ATG2B: variants seen among roughly 807,000 people sequenced by gnomAD.
The protein encoded by ATG2B is autophagy related 2B.
A neutral mutation model predicts 241.3 loss-of-function variants in ATG2B; 121 were observed. That is an observed-to-expected ratio of 0.50 (90% CI 0.43 to 0.58). The LOEUF (loss-of-function observed/expected upper bound fraction) is 0.58, where lower values mean the gene tolerates loss of function less well. Ranked by LOEUF, ATG2B falls within the 20% of genes least tolerant of loss-of-function variation. ATG2B has a pLI of 0.00. For synonymous variants in ATG2B, 858 were observed against 876.6 expected (o/e 0.98, Z 0.37); for missense variants, 2,306 against 2,491.6 (o/e 0.93, Z 1.59).
chr14:96,305,812 TCTC>T lies in ATG2B; in HGVS notation c.4507_4509del (p.Glu1503del). 3.1e-6 allele frequency: 5 copies of T among 1,612,988 alleles called. No homozygotes were observed. The East Asian group carries it at 6.7e-5, about 22-fold the overall frequency. ...ATTTTTATAACTGGTTCTTCTTCCT[TCTC>T]CTAAAATAAACAAACAGGTAACACA... On this transcript the variant is annotated inframe_deletion and splice_region_variant, in exon 31 of 42. Coordinates refer to ENST00000359933, the MANE Select transcript of ATG2B (RefSeq NM_018036.7).
In ATG2B at chr14:96,295,554, A is replaced by T; in HGVS notation, c.5146T>A (p.Leu1716Met). The T allele has an allele frequency of 6.3e-7, 1 of 1,593,714 alleles. No homozygotes were observed. The highest frequency in any genetic ancestry group is 8.5e-7 in the Non-Finnish European group (1 of 1,172,412). The change falls in exon 35 of 42, where the codon TTG (leucine) becomes ATG (methionine). Residue 1716 changes from leucine (L) to methionine (M), a missense_variant. Around this residue, in one of 2 missense-constraint regions of ATG2B, gnomAD observed 379 missense variants for 480.4 expected, o/e 0.79. Coordinates refer to ENST00000359933, the MANE Select transcript of ATG2B (RefSeq NM_018036.7). ...PLRLNIDQDA[L>M]FFLKDFFTSL... is the part of the protein sequence containing the mutation. Reference sequence around the variant, plus strand: ...GTGAAGAAATCCTTCAGGAAGAACAAAGCATCCTAAAATTAAGAGATGTAA... The same window carrying T: ...GTGAAGAAATCCTTCAGGAAGAACATAGCATCCTAAAATTAAGAGATGTAA...
At chr14:96,347,366 A>C (rs4905483) in intron 1 of ATG2B, 25 bp from the exon 2 acceptor site, 16 of 1,528,690 alleles carry the variant, frequency 1.0e-5, no homozygotes, top group Admixed American at 5.4e-5. Flanking sequence ...CAGGTTCATT[A>C]TGAATCACAA....
At position 96,302,025 on chromosome 14, in the gene ATG2B, G is replaced by A. The variant is rs754969650; in HGVS notation, c.5121C>T (p.Leu1707=). The A allele has an allele frequency of 2.5e-6, 4 of 1,613,928 alleles. No individual in the cohort carries two copies. Among genetic ancestry groups the A allele is most frequent in the Non-Finnish European group, 3.4e-6 (4 of 1,179,864 alleles). Residue 1707 remains leucine (L), a synonymous_variant, in exon 34 of 42, where the codon CTC becomes CTT. Transcript: ENST00000359933. Reference sequence around the variant, plus strand: ...TACAAACCTGGTCAATATTGAGGCGGAGCGGCATCAGCGACACTCTCAAGC... The same window carrying A: ...TACAAACCTGGTCAATATTGAGGCGAAGCGGCATCAGCGACACTCTCAAGC... The part of the protein sequence containing the change: ...ECCLRVSLMP[L]RLNIDQDALF...
At chr14:96,325,616 G>A (rs1203355945) in intron 15 of ATG2B, 33 bp downstream of exon 15, 3 of 1,584,388 alleles carry the variant, frequency 1.9e-6, no homozygotes, top group Non-Finnish European at 2.6e-6. Context: ...TTGTTATCTA[G>A]GATGGTTCTT....
Position 96,309,512 on chromosome 14 carries a change from T to C in ATG2B, c.4244A>G (p.Asp1415Gly). Residue 1415 changes from aspartate to glycine, a missense_variant, in exon 29 of 42, where the codon GAT (aspartate) becomes GGT (glycine). Asp to Gly is a moderately conservative substitution (Grantham distance 94). This residue lies in a region of ATG2B where 1,927 missense variants were observed against 2,011.2 expected (regional missense o/e 0.96). Coordinates refer to ENST00000359933, the MANE Select transcript of ATG2B (RefSeq NM_018036.7). Reference protein sequence around the residue: ...DQQMLRDLMSDAMEEIDMQQG... With the variant: ...DQQMLRDLMSGAMEEIDMQQG... ...TTGCATGTCGATCTCCTCCATAGCATCACTCATCAGATCTCGTAACATTTG... is the reference window on the plus strand; with the variant it reads ...TTGCATGTCGATCTCCTCCATAGCACCACTCATCAGATCTCGTAACATTTG... 1 of 1,614,100 alleles carries C rather than the reference T, an allele frequency of 6.2e-7. No homozygotes were observed. Among genetic ancestry groups the C allele is most frequent in the Non-Finnish European group, 8.5e-7 (1 of 1,179,982 alleles).
At position 96,295,116 on chromosome 14, in the gene ATG2B, C is replaced by G; in HGVS notation, c.5270G>C (p.Ser1757Thr). Residue 1757 changes from serine to threonine, a missense_variant, in exon 36 of 42, where the codon AGT (serine) becomes ACT (threonine). Physicochemically the swap from Ser to Thr is moderately conservative, Grantham distance 58 (BLOSUM62 1). This residue lies in a region of ATG2B where 379 missense variants were observed against 480.4 expected (regional missense o/e 0.79). Coordinates refer to ENST00000359933, the MANE Select transcript of ATG2B (RefSeq NM_018036.7). ...DVTCSLPRHL[S>T]TSKEPNLVIS... is the part of the protein sequence containing the mutation. ...AACCAGATTTGGCTCCTTTGAGGTA[C>G]TCAAATGCCTTGGCAAACTGCAGGT... 1 of 1,614,180 alleles carries G rather than the reference C, an allele frequency of 6.2e-7. No homozygotes were observed. Among genetic ancestry groups the G allele is most frequent in the South Asian group, 1.1e-5 (1 of 91,090 alleles).
chr14:96,285,671 A>C lies in ATG2B; in HGVS notation c.*84T>G. On this transcript the variant is annotated 3_prime_UTR_variant, in exon 42 of 42. Transcript: ENST00000359933. The surrounding 1 kb of genome is among the most constrained non-coding windows in gnomAD (Gnocchi z 4.2). ...TTCCTGAGATGAGCACAATAAAATTAAACGAGCTTCCTCTGAAGCTGCTGT... is the reference window on the plus strand; with the variant it reads ...TTCCTGAGATGAGCACAATAAAATTCAACGAGCTTCCTCTGAAGCTGCTGT... 7.7e-7 allele frequency: 1 copy of C among 1,294,740 alleles called. No homozygotes were observed. Among genetic ancestry groups the C allele is most frequent in the Non-Finnish European group, 1.1e-6 (1 of 913,354 alleles). 80.2% of individuals were successfully genotyped at this position (1,294,740 alleles called of 1,614,324 possible).
At chr14:96,293,135 T>C (rs1215071255) in intron 36 of ATG2B, 7 of 152,210 alleles carry the variant, frequency 4.6e-5, no homozygotes, top group African/African-American at 1.2e-4. Flanking sequence ...CAAACAATGT[T>C]TGGAACTTGA....
rs145051080 is a variant in ATG2B at position 96,328,957 on chromosome 14, G to A, written c.1882-191C>T. ...GATATCTCATCTGTAAAATGTAGGC[G>A]AGGATTCAAATAAATTCATTTCCAA... On this transcript the variant is annotated intron_variant, in intron 12 of 41. Coordinates refer to ENST00000359933, the MANE Select transcript of ATG2B (RefSeq NM_018036.7). 4.5e-3 allele frequency among the ~76,000 whole-genome samples: 687 copies of A among 152,226 alleles called. 26 individuals are homozygous for A. In the South Asian group the frequency reaches 0.067, roughly 15 times the overall value.
chr14:96,359,806 T>G (rs1455541233), intron 1 of ATG2B, among the ~76,000 whole-genome samples: 2 of 152,226 alleles, frequency 1.3e-5, no homozygotes, highest in Non-Finnish European at 2.9e-5. Flanking sequence ...GCATATATCC[T>G]AAAGTATTAT....
chr14:96,351,923 A>C (rs1566735868), intron 1 of ATG2B, among the ~76,000 whole-genome samples: 1 of 151,994 alleles, frequency 6.6e-6, no homozygotes, highest in African/African-American at 2.4e-5. Flanking sequence ...AAAGAAAAAA[A>C]AATTTTTATG....
rs528321403 is a variant in ATG2B at position 96,321,636 on chromosome 14, T to C, written c.2879+476A>G. Among the ~76,000 whole-genome samples the C allele has an allele frequency of 2.0e-5, 3 of 152,250 alleles. No individual in the cohort carries two copies. In the East Asian group the frequency reaches 5.8e-4, roughly 29 times the overall value. On this transcript the variant is annotated intron_variant, in intron 18 of 41. Transcript: ENST00000359933. The stretch of plus-strand genomic sequence containing the variant: ...TATCAAAATACCTGCCTGGCATAAA[T>C]ATTGAGGGGTATCTAAATATAATAA...
intron 1 of ATG2B, among the ~76,000 whole-genome samples, chr14:96,348,329 G>A (rs1888223701): frequency 6.6e-6 from 1 of 152,084 alleles, no homozygotes. Flanking sequence ...GTTACCAGAG[G>A]GTGGGAATGG....
intron 34 of ATG2B, among the ~76,000 whole-genome samples, chr14:96,296,414 C>A (rs142520496): frequency 6.6e-6 from 1 of 152,194 alleles, no homozygotes; most frequent in Admixed American, 6.5e-5. Flanking sequence ...ACAAATATAT[C>A]TTCGAGGATA....
At chr14:96,319,308 T>C (rs1887397960) in intron 18 of ATG2B, among the ~76,000 whole-genome samples, 1 of 152,202 alleles carries the variant, frequency 6.6e-6, no homozygotes, top group East Asian at 1.9e-4. Flanking sequence ...TATCAAGAAA[T>C]ATCAAGAAAG....
intron 1 of ATG2B, among the ~76,000 whole-genome samples, chr14:96,358,227 G>A (rs1469468738): frequency 6.6e-6 from 1 of 152,154 alleles, no homozygotes; most frequent in Non-Finnish European, 1.5e-5. Flanking sequence ...CTTGAGCCCA[G>A]GAGGTCAAGA....
At chr14:96,308,268 ATATATATATATATATTT>A (rs1566719900) in intron 29 of ATG2B, among the ~76,000 whole-genome samples, 241 of 15,314 alleles carry the variant, frequency 0.016, 6 homozygotes, top group African/African-American at 0.051. Context: ...ATATATATAT[ATATATATATATATATTT>A]TTTTTTTTTT....
rs375031403 is a variant in ATG2B at position 96,363,034 on chromosome 14, G to A, written c.-58C>T. ...GCGGGTTGCGACGGCTCCGGCCTCG[G>A]GGTAGCGACTCCGGCTCCAGGCCGC... is the stretch of plus-strand genomic sequence containing the variant. On this transcript the variant is annotated 5_prime_UTR_variant, in exon 1 of 42. Transcript: ENST00000359933. 3 of 1,599,676 alleles carry A rather than the reference G, an allele frequency of 1.9e-6. No homozygotes were observed. Among genetic ancestry groups the A allele is most frequent in the African/African-American group, 2.7e-5 (2 of 74,568 alleles).
chr14:96,307,547 T>A (rs1886986645), intron 29 of ATG2B, among the ~76,000 whole-genome samples: 1 of 152,122 alleles, frequency 6.6e-6, no homozygotes, highest in African/African-American at 2.4e-5. Context: ...TAGTGTTGAG[T>A]GGAGTTTTGC....
Sources: allele counts gnomAD v4.1 joint callset (sites outside exome capture counted in the v4.1 genomes callset), GRCh38; gene constraint gnomAD v4.1.1; regional missense constraint gnomAD v4.1.1; non-coding constraint Gnocchi (gnomAD v3.1); transcripts MANE v1.5; gene names NCBI Gene and HGNC (gene_info 2026-07-23, HGNC 2026-07-21).